SH3GL2: variants seen among roughly 807,000 people sequenced by gnomAD.
SH3GL2 encodes endophilin-A1.
Under a neutral mutation model 46.0 loss-of-function variants are expected in SH3GL2, and 24 were observed. That is an observed-to-expected ratio of 0.52 (90% confidence interval 0.38 to 0.73). SH3GL2 has a LOEUF of 0.73. SH3GL2 is among the 30% of genes least tolerant of loss of function. The probability of loss-of-function intolerance (pLI) is 0.00; values close to 1 mark genes in which losing one functional copy is unlikely to be tolerated. For missense variants in SH3GL2, 413 were observed against 424.2 expected (o/e 0.97, Z 0.23); for synonymous variants, 196 against 147.1 (o/e 1.33, Z -2.40).
intron 3 of SH3GL2, among the ~76,000 whole-genome samples, chr9:17,776,385 C>T (rs1037927025): frequency 6.6e-6 from 1 of 152,314 alleles, no homozygotes; most frequent in Non-Finnish European, 1.5e-5. Context: ...GAAAACACCG[C>T]TTTTGCCTAG....
At chr9:17,738,641 T>TATATATATATATATAGAGAGAGAGAGAG (rs376280314) in intron 1 of SH3GL2, among the ~76,000 whole-genome samples, 1 of 88,882 alleles carries the variant, frequency 1.1e-5, no homozygotes, top group Non-Finnish European at 2.3e-5. Flanking sequence ...TATATATATA[T>TATATATATATATATAGAGAGAGAGAGAG]AGAGAGAGAG....
intron 1 of SH3GL2, among the ~76,000 whole-genome samples, chr9:17,694,233 C>T (rs1162780846): frequency 1.3e-5 from 2 of 152,042 alleles, no homozygotes; most frequent in Admixed American, 6.6e-5. Context: ...GGAAGCTTGT[C>T]TTGGGGGGCC....
chr9:17,715,093 C>T (rs1821717205), intron 1 of SH3GL2, among the ~76,000 whole-genome samples: 1 of 151,256 alleles, frequency 6.6e-6, no homozygotes, highest in African/African-American at 2.4e-5. Context: ...ATTCATAGCT[C>T]TCATCCTTTG....
At chr9:17,614,586 T>C (rs896936677) in intron 1 of SH3GL2, among the ~76,000 whole-genome samples, 1 of 152,170 alleles carries the variant, frequency 6.6e-6, no homozygotes. Context: ...AGAACTTCCA[T>C]GTGTCAGAGA....
At chr9:17,692,739 T>C (rs1821113410) in intron 1 of SH3GL2, among the ~76,000 whole-genome samples, 1 of 152,124 alleles carries the variant, frequency 6.6e-6, no homozygotes, top group African/African-American at 2.4e-5. Context: ...ACTGTATTAG[T>C]TGGTTTTCAC....
At chr9:17,717,415 C>T (rs1368045335) in intron 1 of SH3GL2, among the ~76,000 whole-genome samples, 1 of 146,100 alleles carries the variant, frequency 6.8e-6, no homozygotes, top group Admixed American at 6.6e-5. Context: ...CACACAGTAG[C>T]CCCACTCTTA....
At chr9:17,682,206 C>T (rs151147477) in intron 1 of SH3GL2, among the ~76,000 whole-genome samples, 15,355 of 152,150 alleles carry the variant, frequency 0.1, 987 homozygotes, top group Admixed American at 0.18. Flanking sequence ...AATCCCATTA[C>T]TAGATATATA....
rs936978537 is a variant in SH3GL2 at position 17,701,592 on chromosome 9, C to T, written c.46-45474C>T. Among the ~76,000 whole-genome samples the T allele has an allele frequency of 3.3e-5, 5 of 152,134 alleles. No homozygotes were observed. In the Middle Eastern group the frequency reaches 0.014, roughly 414 times the overall value. ...TATGGGAGCAATTGAAACAACATGA[C>T]GAACAATAAGCATGTTCATTTTAAC... is the stretch of plus-strand genomic sequence containing the variant. On this transcript the variant is annotated intron_variant, in intron 1 of 8. Coordinates refer to ENST00000380607, the MANE Select transcript of SH3GL2 (RefSeq NM_003026.5).
chr9:17,690,928 C>G (rs956021817), intron 1 of SH3GL2, among the ~76,000 whole-genome samples: 2 of 152,136 alleles, frequency 1.3e-5, no homozygotes, highest in African/African-American at 4.8e-5. Context: ...TAGTGATTAG[C>G]TGGAAGTAAA....
At chr9:17,687,776 A>G (rs1174901870) in intron 1 of SH3GL2, among the ~76,000 whole-genome samples, 1 of 152,080 alleles carries the variant, frequency 6.6e-6, no homozygotes, top group African/African-American at 2.4e-5. Flanking sequence ...TAAACCAGAG[A>G]GAAACAATGA....
intron 1 of SH3GL2, among the ~76,000 whole-genome samples, chr9:17,705,653 CA>C (rs1227683541): frequency 6.6e-6 from 1 of 152,010 alleles, no homozygotes; most frequent in African/African-American, 2.4e-5. Flanking sequence ...TCCTTTGCAG[CA>C]ACATGCATGG....
intron 3 of SH3GL2, among the ~76,000 whole-genome samples, chr9:17,766,227 C>G (rs115203936): frequency 1.6e-4 from 25 of 152,324 alleles, no homozygotes; most frequent in African/African-American, 6.0e-4. Flanking sequence ...AGCGGGATCA[C>G]AGGCTTAAAC....
chr9:17,579,551 C>G (rs1349604982), intron 1 of SH3GL2, among the ~76,000 whole-genome samples: 1 of 152,144 alleles, frequency 6.6e-6, no homozygotes, highest in Non-Finnish European at 1.5e-5. Context: ...TCGCCGCCCC[C>G]GCATCATCTC....
chr9:17,716,082 A>C (rs185778009), intron 1 of SH3GL2, among the ~76,000 whole-genome samples: 1 of 152,234 alleles, frequency 6.6e-6, no homozygotes, highest in Non-Finnish European at 1.5e-5. Flanking sequence ...GTATGTATAT[A>C]TTCTACATCT....
chr9:17,728,041 A>G (rs942819257), intron 1 of SH3GL2, among the ~76,000 whole-genome samples: 5 of 152,170 alleles, frequency 3.3e-5, no homozygotes, highest in African/African-American at 1.2e-4. Flanking sequence ...TGTATTTGTT[A>G]CATGTTATTT....
intron 1 of SH3GL2, among the ~76,000 whole-genome samples, chr9:17,673,905 G>A (rs529035626): frequency 3.9e-5 from 6 of 152,030 alleles, no homozygotes; most frequent in Non-Finnish European, 7.4e-5. Context: ...CTACCCTAAG[G>A]TCTCCATAGG....
intron 1 of SH3GL2, among the ~76,000 whole-genome samples, chr9:17,673,994 G>C (rs1423379339): frequency 6.6e-6 from 1 of 152,152 alleles, no homozygotes; most frequent in African/African-American, 2.4e-5. Flanking sequence ...TGGAGGGTCT[G>C]TGTTTTATTT....
chr9:17,654,215 C>T (rs934670981), intron 1 of SH3GL2, among the ~76,000 whole-genome samples: 1 of 152,176 alleles, frequency 6.6e-6, no homozygotes, highest in South Asian at 2.1e-4. Flanking sequence ...CCACTGACCA[C>T]TCCTGTGCTG....
Position 17,767,215 on chromosome 9 carries a change from C to T in SH3GL2, c.187+5706C>T, listed in dbSNP as rs188654778. On this transcript the variant is annotated intron_variant, in intron 3 of 8. Transcript: ENST00000380607. ...GAATGCCTATATGGTCTAGATTTTT[C>T]CAGCATTTCTGAGATTTGGGTATCA... 3.4e-3 allele frequency among the ~76,000 whole-genome samples: 522 copies of T among 152,298 alleles called. 2 individuals carry two copies. The highest frequency in any genetic ancestry group is 0.012 in the African/African-American group (497 of 41,568).
Sources: gnomAD v4.1 joint callset for allele counts (sites outside exome capture counted in the v4.1 genomes callset) on GRCh38, gnomAD v4.1.1 for gene constraint, MANE v1.5 for transcripts, NCBI Gene and HGNC (gene_info 2026-07-23, HGNC 2026-07-21) for gene names.